The following CRACR2A variants were observed in gnomAD, a reference collection of about 807,000 sequenced individuals.
CRACR2A encodes the protein calcium release activated channel regulator 2A.
In CRACR2A, 79 loss-of-function variants were observed where a neutral mutation model predicts 90.5. The observed-to-expected ratio is 0.87, with a 90% CI of 0.73 to 1.05. The LOEUF is 1.05. Among genes scored for constraint, CRACR2A ranks in the 50% least tolerant of loss-of-function variants. The pLI is 0.00. For synonymous variants in CRACR2A, 338 were observed against 356.7 expected (o/e 0.95, Z 0.59); for missense variants, 823 against 897.2 (o/e 0.92, Z 1.06).
intron 6 of CRACR2A, among the ~76,000 whole-genome samples, chr12:3,674,717 AT>A (rs1170582199): frequency 6.6e-6 from 1 of 152,212 alleles, no homozygotes; most frequent in East Asian, 1.9e-4. Flanking sequence ...CCCGCAAACA[AT>A]CAGGCTTTTG....
chr12:3,740,994 C>T (rs1009005725), intron 1 of CRACR2A, among the ~76,000 whole-genome samples: 1 of 152,112 alleles, frequency 6.6e-6, no homozygotes. Flanking sequence ...GAACACCCAC[C>T]CTCCTTCTTC....
chr12:3,623,032 T>G (rs1944179113), intron 17 of CRACR2A, among the ~76,000 whole-genome samples: 1 of 152,180 alleles, frequency 6.6e-6, no homozygotes, highest in Non-Finnish European at 1.5e-5. Context: ...CCCCTTGAGC[T>G]GAAGAACTGT....
chr12:3,695,896 G>C (rs1945730904), intron 4 of CRACR2A, among the ~76,000 whole-genome samples: 1 of 152,236 alleles, frequency 6.6e-6, no homozygotes, highest in African/African-American at 2.4e-5. Context: ...TGAAACTAAA[G>C]AAAGAAAGGC....
Position 3,627,467 on chromosome 12 carries a change from A to C in CRACR2A, c.1901T>G (p.Leu634Arg). 6.4e-7 allele frequency: 1 copy of C among 1,552,062 alleles called. No homozygotes were observed. The highest frequency in any genetic ancestry group is 8.7e-7 in the Non-Finnish European group (1 of 1,147,088). ...MYDLTDKQSF[L>R]SVRRWLSSVE... ...GCTGCTCAGCCACCGCCGGACCGAC[A>C]GGAACGACTGCTTGTCTGTGAGATC... The change falls in exon 17 of 20, where the codon CTG becomes CGG. Residue 634 changes from leucine (L) to arginine (R), a missense_variant. By Grantham distance (102) the Leu-to-Arg change is moderately radical. Transcript: ENST00000440314.
intron 7 of CRACR2A, among the ~76,000 whole-genome samples, chr12:3,668,993 C>T (rs1945194804): frequency 6.6e-6 from 1 of 152,244 alleles, no homozygotes; most frequent in Admixed American, 6.5e-5. Flanking sequence ...GCCAAACAGG[C>T]AGCCAGCTGG....
intron 1 of CRACR2A, among the ~76,000 whole-genome samples, chr12:3,737,029 G>C (rs952779423): frequency 1.1e-4 from 16 of 152,208 alleles, no homozygotes; most frequent in African/African-American, 3.9e-4. Flanking sequence ...GTGGACAGGG[G>C]AGAAAGTGGA....
chr12:3,632,556 C>T (rs1680904852), intron 15 of CRACR2A, among the ~76,000 whole-genome samples: 2 of 152,196 alleles, frequency 1.3e-5, no homozygotes, highest in African/African-American at 4.8e-5. Flanking sequence ...AAAGCATCTT[C>T]ACCTCTCATG....
At chr12:3,623,670 G>A (rs995124676) in intron 17 of CRACR2A, among the ~76,000 whole-genome samples, 3 of 152,164 alleles carry the variant, frequency 2.0e-5, no homozygotes, top group Non-Finnish European at 4.4e-5. Flanking sequence ...ATGCCGAGTT[G>A]GCCGAAAGAC....
intron 2 of CRACR2A, among the ~76,000 whole-genome samples, chr12:3,714,828 G>A (rs1005346529): frequency 6.6e-6 from 1 of 152,162 alleles, no homozygotes; most frequent in African/African-American, 2.4e-5. Context: ...ATCACTTTAT[G>A]GTTTACAAAG....
intron 3 of CRACR2A, among the ~76,000 whole-genome samples, chr12:3,699,406 C>T (rs970819552): frequency 3.3e-5 from 5 of 152,170 alleles, no homozygotes; most frequent in African/African-American, 1.2e-4. Context: ...GGTCCCTGCC[C>T]TTAATGAATG....
chr12:3,666,364 T>TGTGTGTGTGCGCGC (rs765943563), intron 7 of CRACR2A, among the ~76,000 whole-genome samples: 16 of 149,596 alleles, frequency 1.1e-4, no homozygotes, highest in African/African-American at 3.7e-4. Context: ...TGCGTGCGTG[T>TGTGTGTGTGCGCGC]GCGCGTGCGC....
Position 3,631,685 on chromosome 12 carries a change from G to A in CRACR2A, c.1735+1919C>T, listed in dbSNP as rs575623123. Among the ~76,000 whole-genome samples the A allele has an allele frequency of 4.6e-5, 7 of 152,314 alleles. No homozygotes were observed. In the South Asian group the frequency reaches 1.0e-3, roughly 23 times the overall value. On this transcript the variant is annotated intron_variant, in intron 15 of 19. Coordinates refer to ENST00000440314, the MANE Select transcript of CRACR2A (RefSeq NM_001144958.2). Reference sequence around the variant, plus strand: ...CTCAGTCTCTGGGTGAAGTTGAGCAGAAGGAAAGGCATGGGAAGATATTCC... The same window carrying A: ...CTCAGTCTCTGGGTGAAGTTGAGCAAAAGGAAAGGCATGGGAAGATATTCC...
At chr12:3,648,671 C>T (rs1944738425) in intron 10 of CRACR2A, 58 bp from the exon 11 acceptor site, 1 of 1,572,296 alleles carries the variant, frequency 6.4e-7, no homozygotes, top group South Asian at 1.2e-5. Flanking sequence ...GATGCCCGGA[C>T]CCCTCATGCT....
chr12:3,658,638 G>GC (rs1378751349), intron 8 of CRACR2A, among the ~76,000 whole-genome samples: 1 of 152,180 alleles, frequency 6.6e-6, no homozygotes, highest in African/African-American at 2.4e-5. Context: ...AATAAATGCA[G>GC]CAGTGGTGTC....
In CRACR2A at chr12:3,696,769, T is replaced by C. The variant is rs2137701243; in HGVS notation, c.228+3A>G. The C allele has an allele frequency of 6.2e-7, 1 of 1,614,178 alleles. No individual in the cohort carries two copies. Among genetic ancestry groups the C allele is most frequent in the Middle Eastern group, 1.6e-4 (1 of 6,062 alleles). ...GGGCAGGCCTACCTGGGACCCCACT[T>C]ACCTGCATATCCTTCCTGGCGATGA... On this transcript the variant is annotated splice_donor_region_variant and intron_variant, in intron 4 of 19. Transcript: ENST00000440314.
chr12:3,735,333 G>C (rs186143953), intron 1 of CRACR2A, among the ~76,000 whole-genome samples: 2 of 152,342 alleles, frequency 1.3e-5, no homozygotes, highest in Non-Finnish European at 1.5e-5. Context: ...TGGGCACAAA[G>C]AAGGGTGCGG....
rs186936693 is a variant in CRACR2A at position 3,741,873 on chromosome 12, A to T, written c.-386-8663T>A. ...ATCCTCAAGAGCTCCAATTAGGCCC[A>T]ATCAGCCTGGAGTTCACAGGCTAAC... On this transcript the variant is annotated intron_variant, in intron 1 of 19. Transcript: ENST00000440314. Among the ~76,000 whole-genome samples, 47 of 152,344 alleles carry T rather than the reference A, an allele frequency of 3.1e-4. 1 individual carries two copies. In the East Asian group the frequency reaches 7.7e-3, roughly 25 times the overall value.
intron 13 of CRACR2A, among the ~76,000 whole-genome samples, chr12:3,639,706 T>A (rs1435821458): frequency 1.3e-5 from 2 of 152,180 alleles, no homozygotes; most frequent in African/African-American, 4.8e-5. Context: ...TTAACTGCGA[T>A]TCTGCAAGAT....
At chr12:3,648,516 G>C in intron 11 of CRACR2A, 26 bp downstream of exon 11, 3 of 1,614,178 alleles carry the variant, frequency 1.9e-6, no homozygotes, top group Non-Finnish European at 2.5e-6. Context: ...GGTGCTCTCA[G>C]CACAGGCCAG....
Sources: allele counts gnomAD v4.1 joint callset (sites outside exome capture counted in the v4.1 genomes callset), GRCh38; gene constraint gnomAD v4.1.1; transcripts MANE v1.5; gene names NCBI Gene and HGNC (gene_info 2026-07-23, HGNC 2026-07-21).